FRMD4A: variants seen among roughly 807,000 people sequenced by gnomAD.
FRMD4A encodes FERM domain-containing protein 4A.
A neutral mutation model predicts 129.1 loss-of-function variants in FRMD4A; 29 were observed. That is an observed-to-expected ratio of 0.22 (90% CI 0.17 to 0.31). The LOEUF (loss-of-function observed/expected upper bound fraction) is 0.31, where lower values mean the gene tolerates loss of function less well. Ranked by LOEUF, FRMD4A falls within the 10% of genes least tolerant of loss-of-function variation. The pLI is 1.00. For missense variants in FRMD4A, 1,272 were observed against 1,375.8 expected, an observed-to-expected ratio of 0.92 and a Z score of 1.19; for synonymous variants, 634 against 571.6, an observed-to-expected ratio of 1.11 and a Z score of -1.56.
chr10:14,176,179 G>T (rs1199216210), intron 2 of FRMD4A, among the ~76,000 whole-genome samples: 1 of 152,114 alleles, frequency 6.6e-6, no homozygotes, highest in African/African-American at 2.4e-5. Context: ...TGGAGAATAG[G>T]GTAGACAAAG....
intron 2 of FRMD4A, among the ~76,000 whole-genome samples, chr10:14,013,346 C>T (rs563415720): frequency 5.9e-5 from 9 of 152,234 alleles, no homozygotes; most frequent in East Asian, 1.9e-4. Context: ...CTCCCACACG[C>T]CACTCAAGGA....
chr10:13,996,955 T>C (rs192321624), intron 2 of FRMD4A, among the ~76,000 whole-genome samples: 2 of 151,434 alleles, frequency 1.3e-5, no homozygotes, highest in South Asian at 4.2e-4. Flanking sequence ...CCCTGACCCA[T>C]GATTACATCA....
At chr10:14,300,139 T>A (rs945624516) in intron 2 of FRMD4A, among the ~76,000 whole-genome samples, 8 of 152,018 alleles carry the variant, frequency 5.3e-5, no homozygotes, top group African/African-American at 1.9e-4. Flanking sequence ...TTTCCCTCTT[T>A]CCAAGTGGAA....
chr10:13,932,727 G>T (rs983603969), intron 2 of FRMD4A, among the ~76,000 whole-genome samples: 2 of 152,120 alleles, frequency 1.3e-5, no homozygotes, highest in African/African-American at 4.8e-5. Flanking sequence ...TAATATACAG[G>T]TGTGTGATTA....
At chr10:13,735,892 A>C (rs1350010624) in intron 12 of FRMD4A, among the ~76,000 whole-genome samples, 3 of 152,052 alleles carry the variant, frequency 2.0e-5, no homozygotes. Flanking sequence ...GGTGGCTCAC[A>C]CCTGTAATTC....
chr10:14,126,448 C>T (rs533348136), intron 2 of FRMD4A, among the ~76,000 whole-genome samples: 2 of 151,986 alleles, frequency 1.3e-5, no homozygotes, highest in East Asian at 1.9e-4. Context: ...GGATTACAGG[C>T]GTGAGCCACC....
intron 2 of FRMD4A, among the ~76,000 whole-genome samples, chr10:14,015,633 C>CT (rs1378042852): frequency 6.6e-6 from 1 of 152,156 alleles, no homozygotes; most frequent in Non-Finnish European, 1.5e-5. Flanking sequence ...TGCCCATGCT[C>CT]TTCTTGTATT....
At chr10:13,891,708 G>A (rs1329214683) in intron 2 of FRMD4A, 2 of 984,864 alleles carry the variant, frequency 2.0e-6, no homozygotes, top group East Asian at 1.1e-4. Flanking sequence ...CCATTCGCCC[G>A]GGCGAAGGCC....
chr10:13,868,483 T>G (rs1052767593), intron 2 of FRMD4A, among the ~76,000 whole-genome samples: 1 of 152,066 alleles, frequency 6.6e-6, no homozygotes, highest in Non-Finnish European at 1.5e-5. Flanking sequence ...CTGTCTTTAT[T>G]GTGACTCTCC....
chr10:13,827,318 C>T (rs1052162831), intron 3 of FRMD4A, among the ~76,000 whole-genome samples: 8 of 152,124 alleles, frequency 5.3e-5, no homozygotes, highest in Admixed American at 3.3e-4. Flanking sequence ...ATGGTCTAGC[C>T]CCCAGCAAAG....
Position 13,666,281 on chromosome 10 carries a change from G to A in FRMD4A, c.1419C>T (p.Ser473=). ...ERLEREFAIQ[S]QITEAARRLA... is the part of the protein sequence containing the mutation. ...GGCGGCGGGCGGCCTCCGTAATCTG[G>A]GACTGAATGGCAAACTCTCGTTCCA... Residue 473 remains serine, a synonymous_variant, in exon 18 of 25, where the codon TCC becomes TCT. Coordinates refer to ENST00000357447, the MANE Select transcript of FRMD4A (RefSeq NM_018027.5). 1.2e-6 allele frequency: 2 copies of A among 1,614,082 alleles called. No individual in the cohort carries two copies. The highest frequency in any genetic ancestry group is 8.5e-7 in the Non-Finnish European group (1 of 1,179,972).
At position 14,108,804 on chromosome 10, in the gene FRMD4A, A is replaced by G. The variant is rs575143559; in HGVS notation, c.45+221254T>C. Among the ~76,000 whole-genome samples the G allele has an allele frequency of 3.4e-4, 52 of 152,322 alleles. 2 individuals are homozygous for G. In the South Asian group the frequency reaches 9.7e-3, roughly 29 times the overall value. On this transcript the variant is annotated intron_variant, in intron 2 of 24. Coordinates refer to ENST00000357447, the MANE Select transcript of FRMD4A (RefSeq NM_018027.5). Reference sequence around the variant, plus strand: ...AAGGGCAGGGATAAAATGAAAAAGGACTGATAGAAGAAAATTACTCCATAG... The same window carrying G: ...AAGGGCAGGGATAAAATGAAAAAGGGCTGATAGAAGAAAATTACTCCATAG...
chr10:13,876,996 T>G (rs897929061), intron 2 of FRMD4A, among the ~76,000 whole-genome samples: 3 of 152,168 alleles, frequency 2.0e-5, no homozygotes, highest in Non-Finnish European at 4.4e-5. Flanking sequence ...CATACCTATG[T>G]GACAAGCAGA....
chr10:13,955,110 T>C (rs528779052), intron 2 of FRMD4A, among the ~76,000 whole-genome samples: 46 of 99,760 alleles, frequency 4.6e-4, no homozygotes, highest in African/African-American at 1.8e-3. Flanking sequence ...TTAATAATTC[T>C]GCTTTTTTTT....
chr10:13,765,553 T>C (rs1165778424), intron 6 of FRMD4A, among the ~76,000 whole-genome samples: 1 of 152,190 alleles, frequency 6.6e-6, no homozygotes, highest in Non-Finnish European at 1.5e-5. Flanking sequence ...AATTTCACAG[T>C]TGGATACTAA....
At chr10:13,741,156 G>C (rs988909706) in intron 9 of FRMD4A, among the ~76,000 whole-genome samples, 14 of 152,014 alleles carry the variant, frequency 9.2e-5, no homozygotes, top group Non-Finnish European at 1.9e-4. Context: ...AGAAATATAA[G>C]ACTGGAGCCC....
chr10:14,177,238 C>A (rs767543075), intron 2 of FRMD4A, among the ~76,000 whole-genome samples: 4 of 151,210 alleles, frequency 2.6e-5, no homozygotes, highest in Non-Finnish European at 5.9e-5. Context: ...CGCTCTGTTG[C>A]CCGGGCTGGA....
At chr10:14,039,689 A>G (rs1004499323) in intron 2 of FRMD4A, among the ~76,000 whole-genome samples, 1 of 152,110 alleles carries the variant, frequency 6.6e-6, no homozygotes, top group Non-Finnish European at 1.5e-5. Context: ...AAAGAATGCA[A>G]CCATTTGTCT....
intron 2 of FRMD4A, among the ~76,000 whole-genome samples, chr10:14,206,474 C>A (rs1426331142): frequency 2.0e-5 from 3 of 152,082 alleles, no homozygotes; most frequent in African/African-American, 2.4e-5. Context: ...TATTTGTAGA[C>A]ACAAATGTTC....
Sources: gnomAD v4.1 joint callset for allele counts (sites outside exome capture counted in the v4.1 genomes callset) on GRCh38, gnomAD v4.1.1 for gene constraint, MANE v1.5 for transcripts, NCBI Gene and HGNC (gene_info 2026-07-23, HGNC 2026-07-21) for gene names.